Variants in EZH1 observed in about 807,000 individuals in gnomAD.
The protein encoded by EZH1 is enhancer of zeste 1 polycomb repressive complex 2 subunit.
In EZH1, 33 loss-of-function variants were observed where a neutral mutation model predicts 100.5. The ratio of observed to expected loss-of-function variants is 0.33; its 90% CI spans 0.25 to 0.44. The LOEUF (loss-of-function observed/expected upper bound fraction) is 0.44. Ranked by LOEUF, EZH1 falls within the 20% of genes least tolerant of loss-of-function variation. The probability of loss-of-function intolerance (pLI) is 1.00; values close to 1 mark genes in which losing one functional copy is unlikely to be tolerated. For synonymous variants in EZH1, 272 were observed against 313.8 expected (o/e 0.87, Z 1.41); for missense variants, 475 against 928.4 (o/e 0.51, Z 6.35).
In EZH1 at chr17:42,724,347, A is replaced by G; in HGVS notation, c.324T>C (p.Val108=). ...GAGGGGACCAGGAATACATGATGGG[A>G]ACCAATGCAACTGTGTTCAGTGACC... ...LMRSLNTVAL[V]PIMYSWSPLQ... is the part of the protein sequence containing the mutation. Residue 108 remains valine (V), a synonymous_variant, in exon 5 of 21, where the codon GTT becomes GTC. Coordinates refer to ENST00000428826, the MANE Select transcript of EZH1 (RefSeq NM_001991.5). 6.2e-7 allele frequency: 1 copy of G among 1,614,116 alleles called. No homozygotes were observed. Among genetic ancestry groups the G allele is most frequent in the Non-Finnish European group, 8.5e-7 (1 of 1,179,980 alleles).
Position 42,728,871 on chromosome 17 carries a change from A to G in EZH1, c.71T>C (p.Met24Thr), listed in dbSNP as rs2053880202. 2 of 1,613,854 alleles carry G rather than the reference A, an allele frequency of 1.2e-6. No individual in the cohort carries two copies. Among genetic ancestry groups the G allele is most frequent in the Non-Finnish European group, 1.7e-6 (2 of 1,179,910 alleles). The part of the protein sequence containing the change: ...YWKRKVKSEY[M>T]RLRQLKRLQA... ...AAGCCGTTTAAGTTGTCGAAGTCGC[A>G]TGTATTCAGATTTCACTTTTCTTTT... is the stretch of plus-strand genomic sequence containing the variant. The change falls in exon 3 of 21, where the codon ATG (methionine) becomes ACG (threonine). Residue 24 changes from methionine to threonine, a missense_variant. Physicochemically the swap from Met to Thr is moderately conservative, Grantham distance 81. Transcript: ENST00000428826.
chr17:42,738,345 C>T (rs897596779), intron 1 of EZH1, among the ~76,000 whole-genome samples: 3 of 151,968 alleles, frequency 2.0e-5, no homozygotes, highest in African/African-American at 7.2e-5. Flanking sequence ...GATAGTTTCT[C>T]TTGAATAATA....
intron 4 of EZH1, among the ~76,000 whole-genome samples, chr17:42,725,393 C>G (rs113174132): frequency 0.016 from 2,404 of 151,770 alleles, 80 homozygotes; most frequent in South Asian, 0.097. Context: ...CTCAGCCTCC[C>G]GAGAAGCTGG....
chr17:42,708,410 T>A (rs947585037), intron 14 of EZH1, among the ~76,000 whole-genome samples: 1 of 152,090 alleles, frequency 6.6e-6, no homozygotes, highest in African/African-American at 2.4e-5. Context: ...ATCCCAGCAC[T>A]TTGCGAGGCC....
At chr17:42,724,660 CAT>C (rs2053782130) in intron 4 of EZH1, 8 of 352,694 alleles carry the variant, frequency 2.3e-5, no homozygotes, top group South Asian at 2.9e-5. Context: ...GTGGTACACA[CAT>C]GTAATCCCAG....
intron 5 of EZH1, among the ~76,000 whole-genome samples, chr17:42,723,751 T>C (rs988933685): frequency 6.6e-6 from 1 of 152,186 alleles, no homozygotes; most frequent in Non-Finnish European, 1.5e-5. Flanking sequence ...CTCGACCTCA[T>C]TCCAACCAGT....
In EZH1 at chr17:42,705,203, G is replaced by C; in HGVS notation, c.1840-20C>G. 6.4e-7 allele frequency: 1 copy of C among 1,563,754 alleles called. No individual in the cohort carries two copies. Among genetic ancestry groups the C allele is most frequent in the Non-Finnish European group, 8.8e-7 (1 of 1,136,788 alleles). ...CAGGTGCTGGGGAAGAGGGGGCCAAGTCTCAGACTACAGGGTGTGCATGAG... is the reference window on the plus strand; with the variant it reads ...CAGGTGCTGGGGAAGAGGGGGCCAACTCTCAGACTACAGGGTGTGCATGAG... On this transcript the variant is annotated intron_variant, in intron 16 of 20. Coordinates refer to ENST00000428826, the MANE Select transcript of EZH1 (RefSeq NM_001991.5).
At chr17:42,743,960 T>C (rs966603983) in intron 1 of EZH1, among the ~76,000 whole-genome samples, 3 of 152,246 alleles carry the variant, frequency 2.0e-5, no homozygotes, top group African/African-American at 7.2e-5. Flanking sequence ...TGGGAATTTT[T>C]TTATTCAGCG....
intron 1 of EZH1, among the ~76,000 whole-genome samples, chr17:42,741,038 T>G (rs553537428): frequency 2.6e-5 from 4 of 152,232 alleles, no homozygotes; most frequent in African/African-American, 4.8e-5. Context: ...ATTTTTCTTT[T>G]TTTAACCTTT....
intron 5 of EZH1, 138 bp downstream of exon 5, chr17:42,724,167 A>G (rs895835151): frequency 2.1e-6 from 2 of 941,152 alleles, no homozygotes; most frequent in Non-Finnish European, 3.2e-6. Flanking sequence ...TAGAGTAAGT[A>G]AATTACAACC....
intron 10 of EZH1, among the ~76,000 whole-genome samples, chr17:42,714,103 C>T (rs2053543678): frequency 6.6e-6 from 1 of 152,144 alleles, no homozygotes; most frequent in Non-Finnish European, 1.5e-5. Flanking sequence ...GTATGAAACT[C>T]AGAAGAATAT....
At chr17:42,705,239 G>T in intron 16 of EZH1, 56 bp from the exon 17 acceptor site, 1 of 923,212 alleles carries the variant, frequency 1.1e-6, no homozygotes. Flanking sequence ...TAGGGGGTGT[G>T]TGCTGGATGT....
intron 4 of EZH1, among the ~76,000 whole-genome samples, chr17:42,725,080 T>G (rs1315562280): frequency 1.3e-5 from 2 of 151,252 alleles, no homozygotes; most frequent in African/African-American, 4.9e-5. Flanking sequence ...GGCAGGAGAA[T>G]TGCTTGAACC....
chr17:42,715,230 G>A (rs1416868963), intron 10 of EZH1, among the ~76,000 whole-genome samples: 1 of 141,584 alleles, frequency 7.1e-6, no homozygotes, highest in Non-Finnish European at 1.5e-5. Context: ...TAGATTATAT[G>A]TATTTATATA....
chr17:42,709,627 T>C (rs2053435424), intron 13 of EZH1: 4 of 489,848 alleles, frequency 8.2e-6, no homozygotes, highest in Non-Finnish European at 1.5e-5. Context: ...CAGACAGTTA[T>C]GGTCCACAGC....
intron 19 of EZH1, 143 bp downstream of exon 19, chr17:42,703,597 G>C: frequency 1.6e-6 from 1 of 636,888 alleles, no homozygotes. Flanking sequence ...AGATTGAGAG[G>C]GGCCTAAAAT....
At position 42,736,601 on chromosome 17, in the gene EZH1, G is replaced by A. The variant is rs1234323165; in HGVS notation, c.-102-5683C>T. Among the ~76,000 whole-genome samples, 3 of 152,172 alleles carry A rather than the reference G, an allele frequency of 2.0e-5. 1 individual carries two copies. The highest frequency in any genetic ancestry group is 4.2e-4 in the South Asian group (2 of 4,810). ...TGTAATCCCAGCACTTTGGGAGGCT[G>A]AGGCAGGCAGATCACTTGAGATCAG... is the stretch of plus-strand genomic sequence containing the variant. On this transcript the variant is annotated intron_variant, in intron 1 of 20. Coordinates refer to ENST00000428826, the MANE Select transcript of EZH1 (RefSeq NM_001991.5).
chr17:42,711,004 C>T (rs2053470608), intron 12 of EZH1, among the ~76,000 whole-genome samples: 2 of 152,098 alleles, frequency 1.3e-5, no homozygotes. Flanking sequence ...GAAGCCAAAG[C>T]ATTGGGGTTC....
chr17:42,733,702 A>G (rs1469279130), intron 1 of EZH1, among the ~76,000 whole-genome samples: 1 of 150,212 alleles, frequency 6.7e-6, no homozygotes, highest in Non-Finnish European at 1.5e-5. Flanking sequence ...AGCACTTTGG[A>G]AGGCTGAGGC....
Sources: gnomAD v4.1 joint callset for allele counts (sites outside exome capture counted in the v4.1 genomes callset) on GRCh38, gnomAD v4.1.1 for gene constraint, MANE v1.5 for transcripts, NCBI Gene and HGNC (gene_info 2026-07-23, HGNC 2026-07-21) for gene names.